The following B3GALNT1 variants were observed in gnomAD, a reference collection of about 807,000 sequenced individuals.
The protein encoded by B3GALNT1 is UDP-GalNAc:beta-1,3-N-acetylgalactosaminyltransferase 1.
In B3GALNT1, 17 loss-of-function variants were observed where a neutral mutation model predicts 27.3. The ratio of observed to expected loss-of-function variants is 0.62; its 90% CI spans 0.43 to 0.94. The LOEUF is 0.94. Among genes scored for constraint, B3GALNT1 ranks in the 40% least tolerant of loss-of-function variants. The probability of loss-of-function intolerance (pLI) is 0.00; values close to 1 mark genes in which losing one functional copy is unlikely to be tolerated. For missense variants in B3GALNT1, 347 were observed against 390.0 expected (o/e 0.89, Z 0.93); for synonymous variants, 141 against 144.0 (o/e 0.98, Z 0.15).
At chr3:161,092,855 G>T (rs1047565287) in intron 4 of B3GALNT1, among the ~76,000 whole-genome samples, 1 of 149,106 alleles carries the variant, frequency 6.7e-6, no homozygotes, top group Non-Finnish European at 1.5e-5. Context: ...CGCCTCCCGG[G>T]TTCACACCAT....
In B3GALNT1 at chr3:161,085,836, C is replaced by T; in HGVS notation, c.919G>A (p.Ala307Thr). 1 of 1,614,132 alleles carries T rather than the reference C, an allele frequency of 6.2e-7. No individual in the cohort carries two copies. Among genetic ancestry groups the T allele is most frequent in the Non-Finnish European group, 8.5e-7 (1 of 1,180,010 alleles). ...TCCTTGGAAGAAAAGCCATGGGCTG[C>T]AATCACACGTCTCAGTTGACAGACA... ...LDVCQLRRVI[A>T]AHGFSSKEII... Residue 307 changes from alanine to threonine, a missense_variant, in exon 5 of 5, where the codon GCA (alanine) becomes ACA (threonine). Ala to Thr is a moderately conservative substitution (Grantham distance 58). Coordinates refer to ENST00000320474, the MANE Select transcript of B3GALNT1 (RefSeq NM_003781.4).
chr3:161,097,878 T>G (rs1196485974), intron 4 of B3GALNT1, among the ~76,000 whole-genome samples: 4 of 152,218 alleles, frequency 2.6e-5, no homozygotes, highest in African/African-American at 7.2e-5. Context: ...CTCCTTACTT[T>G]GGAGCATACA....
At chr3:161,098,866 G>A (rs1223649261) in intron 4 of B3GALNT1, among the ~76,000 whole-genome samples, 2 of 152,198 alleles carry the variant, frequency 1.3e-5, no homozygotes, top group Admixed American at 6.5e-5. Flanking sequence ...AGAATGCTCT[G>A]TTTGACTATC....
intron 4 of B3GALNT1, among the ~76,000 whole-genome samples, chr3:161,087,204 A>T (rs1311277021): frequency 1.3e-5 from 2 of 152,224 alleles, no homozygotes; most frequent in African/African-American, 4.8e-5. Context: ...GAAGGATTTA[A>T]TTCAAGGGGA....
chr3:161,095,727 G>A (rs192951713), intron 4 of B3GALNT1, among the ~76,000 whole-genome samples: 1 of 152,252 alleles, frequency 6.6e-6, no homozygotes, highest in Non-Finnish European at 1.5e-5. Context: ...AAGGCTGGGG[G>A]CAGCAGGAGC....
intron 4 of B3GALNT1, among the ~76,000 whole-genome samples, chr3:161,087,695 T>C (rs1195217708): frequency 6.6e-6 from 1 of 152,150 alleles, no homozygotes; most frequent in Non-Finnish European, 1.5e-5. Flanking sequence ...AAGTGACAGC[T>C]CTGTTCCTGA....
At chr3:161,099,504 T>C (rs934265009) in intron 4 of B3GALNT1, among the ~76,000 whole-genome samples, 1 of 152,054 alleles carries the variant, frequency 6.6e-6, no homozygotes, top group Non-Finnish European at 1.5e-5. Flanking sequence ...TCCAATATGA[T>C]AAAAGGTGGT....
chr3:161,103,374 G>A (rs1007621848), intron 3 of B3GALNT1, 53 bp downstream of exon 3: 1 of 849,932 alleles, frequency 1.2e-6, no homozygotes, highest in Non-Finnish European at 1.7e-6. Flanking sequence ...GCATTATTAT[G>A]GGCATTTTTA....
chr3:161,104,567 T>C (rs1448751989), intron 1 of B3GALNT1, 161 bp from the exon 2 acceptor site: 1 of 357,586 alleles, frequency 2.8e-6, no homozygotes, highest in Non-Finnish European at 5.4e-6. Context: ...GTTGCACCTC[T>C]AGGAATCTTT....
intron 4 of B3GALNT1, 106 bp from the exon 5 acceptor site, chr3:161,086,894 C>A: frequency 8.2e-7 from 1 of 1,218,938 alleles, no homozygotes. Flanking sequence ...ACAGAATCTC[C>A]AGAGTAAAAC....
chr3:161,095,483 C>T (rs1267967041), intron 4 of B3GALNT1, among the ~76,000 whole-genome samples: 1 of 152,224 alleles, frequency 6.6e-6, no homozygotes, highest in African/African-American at 2.4e-5. Context: ...TAAGTTTATA[C>T]TTGGCTTTGA....
intron 4 of B3GALNT1, among the ~76,000 whole-genome samples, chr3:161,099,861 G>A (rs977523319): frequency 6.6e-6 from 1 of 151,936 alleles, no homozygotes; most frequent in South Asian, 2.1e-4. Context: ...TCAAGAAACT[G>A]GAAAAGCATC....
intron 4 of B3GALNT1, among the ~76,000 whole-genome samples, chr3:161,092,504 T>C (rs1725690327): frequency 6.6e-6 from 1 of 151,982 alleles, no homozygotes; most frequent in Admixed American, 6.6e-5. Flanking sequence ...GAAAGGAACA[T>C]GTGGTTAAAG....
At chr3:161,100,258 TA>T (rs1730506267) in intron 4 of B3GALNT1, among the ~76,000 whole-genome samples, 1 of 152,232 alleles carries the variant, frequency 6.6e-6, no homozygotes, top group East Asian at 1.9e-4. Flanking sequence ...GTTCAATTTT[TA>T]AGAATGAATT....
intron 3 of B3GALNT1, 82 bp from the exon 4 acceptor site, chr3:161,101,315 T>C: frequency 1.2e-6 from 1 of 854,582 alleles, no homozygotes; most frequent in East Asian, 6.2e-5. Context: ...GTCTGTTTTG[T>C]TACAAAGAGC....
intron 4 of B3GALNT1, among the ~76,000 whole-genome samples, chr3:161,094,252 C>G (rs1466979137): frequency 1.3e-5 from 2 of 152,176 alleles, no homozygotes; most frequent in African/African-American, 4.8e-5. Flanking sequence ...TTGATATAAA[C>G]AGTATGGCAG....
At position 161,086,551 on chromosome 3, in the gene B3GALNT1, T is replaced by G. The variant is rs772670603; in HGVS notation, c.204A>C (p.Arg68=). ...IYRQDFHFTL[R]EHSNCSHQNP... ...TTTGATGAGAGCAGTTTGAATGCTC[T>G]CGAAGTGTGAAGTGAAAGTCTTGTC... The change falls in exon 5 of 5, where the codon CGA becomes CGC. Residue 68 remains arginine, a synonymous_variant. Transcript: ENST00000320474. The G allele has an allele frequency of 3.1e-6, 5 of 1,614,100 alleles. No homozygotes were observed. Among genetic ancestry groups the G allele is most frequent in the Non-Finnish European group, 4.2e-6 (5 of 1,180,054 alleles).
intron 4 of B3GALNT1, among the ~76,000 whole-genome samples, chr3:161,095,870 C>T (rs982748252): frequency 9.9e-5 from 15 of 152,176 alleles, no homozygotes; most frequent in African/African-American, 3.6e-4. Flanking sequence ...TAAAGCCCCC[C>T]GAGTGTTCTT....
intron 4 of B3GALNT1, among the ~76,000 whole-genome samples, chr3:161,099,421 G>A (rs1363964334): frequency 6.6e-6 from 1 of 152,216 alleles, no homozygotes; most frequent in African/African-American, 2.4e-5. Context: ...CGAAAAACCA[G>A]CTGCACAAGG....
Sources: gnomAD v4.1 joint callset for allele counts (sites outside exome capture counted in the v4.1 genomes callset) on GRCh38, gnomAD v4.1.1 for gene constraint, MANE v1.5 for transcripts, NCBI Gene and HGNC (gene_info 2026-07-23, HGNC 2026-07-21) for gene names.